EPB41L3: variants seen among roughly 807,000 people sequenced by gnomAD.
The protein encoded by EPB41L3 is band 4.1-like protein 3.
EPB41L3 carries 57 observed loss-of-function variants against 127.1 expected under a neutral mutation model. The observed-to-expected ratio is 0.45, with a 90% CI of 0.36 to 0.56. The LOEUF (loss-of-function observed/expected upper bound fraction) is 0.56, where lower values mean the gene tolerates loss of function less well. Among genes scored for constraint, EPB41L3 ranks in the 20% least tolerant of loss-of-function variants. The pLI is 0.00. For missense variants in EPB41L3, 1,273 were observed against 1,372.2 expected, an observed-to-expected ratio of 0.93 and a Z score of 1.14; for synonymous variants, 572 against 549.5, an observed-to-expected ratio of 1.04 and a Z score of -0.57.
At chr18:5,433,814 A>T in intron 7 of EPB41L3, 89 bp downstream of exon 7, 2 of 1,412,060 alleles carry the variant, frequency 1.4e-6, no homozygotes, top group Non-Finnish European at 2.0e-6. Flanking sequence ...CCGTTAATGG[A>T]CTGAAATCAG....
At chr18:5,500,121 T>C (rs948538022) in intron 1 of EPB41L3, among the ~76,000 whole-genome samples, 1 of 152,144 alleles carries the variant, frequency 6.6e-6, no homozygotes, top group African/African-American at 2.4e-5. Flanking sequence ...GTGGGAAACC[T>C]CAAATTGATA....
chr18:5,502,282 G>C (rs2091812676), intron 1 of EPB41L3, among the ~76,000 whole-genome samples: 1 of 151,088 alleles, frequency 6.6e-6, no homozygotes, highest in Admixed American at 6.6e-5. Context: ...GTTCAAAGGA[G>C]ACTAACTCAG....
intron 8 of EPB41L3, among the ~76,000 whole-genome samples, chr18:5,432,216 C>T (rs1324211923): frequency 1.3e-5 from 2 of 152,216 alleles, no homozygotes; most frequent in Non-Finnish European, 2.9e-5. Context: ...ACAGAACCTA[C>T]AGATCACAGA....
At chr18:5,620,091 C>A (rs1454017222) in intron 1 of EPB41L3, among the ~76,000 whole-genome samples, 1 of 151,624 alleles carries the variant, frequency 6.6e-6, no homozygotes, top group Non-Finnish European at 1.5e-5. Context: ...CAACCCTGAG[C>A]TAAGAAAACA....
intron 1 of EPB41L3, among the ~76,000 whole-genome samples, chr18:5,538,139 A>G (rs923894105): frequency 6.6e-5 from 10 of 152,222 alleles, no homozygotes; most frequent in South Asian, 4.1e-4. Flanking sequence ...TATTCAACGC[A>G]TAAAGAAAAT....
rs1230011388 is a variant in EPB41L3 at position 5,478,392 on chromosome 18, A to G, written c.230T>C (p.Leu77Pro). ...QEFAARAAKQ[L>P]EYQQLEDDKL... ...ATCGTCTTCTAATTGCTGATATTCG[A>G]GCTGTTTTGCAGCCCTGGCAGCAAA... The change falls in exon 3 of 23, where the codon CTC becomes CCC. Residue 77 changes from leucine (L) to proline (P), a missense_variant. By Grantham distance (98) the Leu-to-Pro change is moderately conservative. Transcript: ENST00000341928. 14 of 1,614,016 alleles carry G rather than the reference A, an allele frequency of 8.7e-6. No homozygotes were observed. Among genetic ancestry groups the G allele is most frequent in the Non-Finnish European group, 1.1e-5 (13 of 1,180,032 alleles).
intron 1 of EPB41L3, among the ~76,000 whole-genome samples, chr18:5,525,823 T>A (rs2093201494): frequency 6.6e-6 from 1 of 152,166 alleles, no homozygotes; most frequent in Non-Finnish European, 1.5e-5. Flanking sequence ...TTCTCCACCA[T>A]TCAAACAACT....
intron 1 of EPB41L3, among the ~76,000 whole-genome samples, chr18:5,510,162 C>T (rs1358154818): frequency 1.3e-5 from 2 of 152,298 alleles, no homozygotes; most frequent in African/African-American, 2.4e-5. Flanking sequence ...TCAGGCAACA[C>T]CTGCATCTGA....
chr18:5,617,732 A>G (rs2094814923), intron 1 of EPB41L3, among the ~76,000 whole-genome samples: 1 of 152,128 alleles, frequency 6.6e-6, no homozygotes, highest in Non-Finnish European at 1.5e-5. Context: ...ACTTGATCAG[A>G]AGAACAAAAA....
intron 3 of EPB41L3, among the ~76,000 whole-genome samples, chr18:5,463,444 C>T (rs2084388020): frequency 6.6e-6 from 1 of 152,150 alleles, no homozygotes; most frequent in African/African-American, 2.4e-5. Context: ...GACCTTAAGA[C>T]CAGGACATTA....
At chr18:5,620,666 G>T (rs1285585127) in intron 1 of EPB41L3, among the ~76,000 whole-genome samples, 1 of 152,044 alleles carries the variant, frequency 6.6e-6, no homozygotes, top group African/African-American at 2.4e-5. Flanking sequence ...TACATCATCC[G>T]ATCTTTTAAA....
chr18:5,593,835 T>C (rs1307391069), intron 3 of EPB41L3, among the ~76,000 whole-genome samples: 2 of 152,202 alleles, frequency 1.3e-5, no homozygotes, highest in Non-Finnish European at 2.9e-5. Flanking sequence ...TCAGCGATAT[T>C]TCTCCCATTT....
intron 3 of EPB41L3, among the ~76,000 whole-genome samples, chr18:5,589,132 C>T (rs1278873760): frequency 1.3e-5 from 2 of 152,016 alleles, no homozygotes; most frequent in Non-Finnish European, 2.9e-5. Context: ...AAGAGTTTAC[C>T]GTAATTTCCT....
chr18:5,629,810 C>T (rs1416471666), upstream of EPB41L3, among the ~76,000 whole-genome samples: 1 of 152,160 alleles, frequency 6.6e-6, no homozygotes, highest in Non-Finnish European at 1.5e-5. Flanking sequence ...GGAGCCAGAC[C>T]CCAGGTCGCT....
intron 1 of EPB41L3, among the ~76,000 whole-genome samples, chr18:5,619,594 C>T (rs1568658028): frequency 6.6e-6 from 1 of 152,180 alleles, no homozygotes. Context: ...TTGCGATATT[C>T]CAGCCAGGTC....
At chr18:5,562,686 CAAT>C (rs1488664641) in intron 3 of EPB41L3, among the ~76,000 whole-genome samples, 1 of 152,174 alleles carries the variant, frequency 6.6e-6, no homozygotes, top group Non-Finnish European at 1.5e-5. Context: ...GAAGTATTGA[CAAT>C]GATGACAGTG....
At position 5,587,125 on chromosome 18, in the gene EPB41L3, T is replaced by A. The variant is rs76077799; in HGVS notation, c.-306+25215A>T. Among the ~76,000 whole-genome samples, 654 of 152,212 alleles carry A rather than the reference T, an allele frequency of 4.3e-3. 7 individuals carry two copies. Among genetic ancestry groups the A allele is most frequent in the African/African-American group, 0.015 (617 of 41,548 alleles). ...AGTTACTATATCTGCCAAAAATCAA[T>A]TTGTAAGGAGAAAAATCTTAGGCAG... On this transcript the variant is annotated intron_variant, in intron 3 of 21. Transcript: ENST00000545076.
rs755462998 is a variant in EPB41L3, at chr18:5,489,089, GGCGCCCCCGCGCGCCCCT to G, written c.77_94del (p.Gln26_Ala31del). The G allele has an allele frequency of 7.6e-5, 121 of 1,594,598 alleles. No individual in the cohort carries two copies. Among genetic ancestry groups the G allele is most frequent in the East Asian group, 2.5e-4 (11 of 44,018 alleles). ...CTCCTCCTTGGGCGGCTCCGGCACG[GGCGCCCCCGCGCGCCCCT>G]GCGCCCCCGCCGCCTCCTGGGGCTC... On this transcript the variant is annotated inframe_deletion, in exon 2 of 23. Coordinates refer to ENST00000341928, the MANE Select transcript of EPB41L3 (RefSeq NM_012307.5).
intron 2 of EPB41L3, among the ~76,000 whole-genome samples, chr18:5,480,681 T>G (rs1040993869): frequency 9.2e-5 from 14 of 152,334 alleles, no homozygotes; most frequent in African/African-American, 3.4e-4. Flanking sequence ...CTTGGGGACT[T>G]GCGTGAGTTC....
Sources: allele counts gnomAD v4.1 joint callset (sites outside exome capture counted in the v4.1 genomes callset), GRCh38; gene constraint gnomAD v4.1.1; transcripts MANE v1.5; gene names NCBI Gene and HGNC (gene_info 2026-07-23, HGNC 2026-07-21).